C8A: variants seen among roughly 807,000 people sequenced by gnomAD.
The protein encoded by C8A is complement component C8 alpha chain.
A neutral mutation model predicts 65.3 loss-of-function variants in C8A; 67 were observed. The observed-to-expected ratio is 1.03, with a 90% CI of 0.84 to 1.26. The LOEUF (loss-of-function observed/expected upper bound fraction) is 1.26. C8A is among the 50% of genes most tolerant of loss of function. The pLI, the probability that C8A is intolerant of heterozygous loss-of-function variation, is 0.00. For synonymous variants in C8A, 290 were observed against 259.4 expected, an observed-to-expected ratio of 1.12 and a Z score of -1.13; for missense variants, 781 against 723.9, an observed-to-expected ratio of 1.08 and a Z score of -0.90.
At chr1:56,858,800 A>ACTTCAGGTGGTATTGCTGAAGCAATG (rs1300628427) in intron 1 of C8A, among the ~76,000 whole-genome samples, 2 of 152,222 alleles carry the variant, frequency 1.3e-5, no homozygotes, top group Non-Finnish European at 2.9e-5. Context: ...CTTTAGCAAT[A>ACTTCAGGTGGTATTGCTGAAGCAATG]CTTCAGGTGG....
chr1:56,899,055 C>T (rs1644406156), intron 7 of C8A, among the ~76,000 whole-genome samples: 1 of 152,122 alleles, frequency 6.6e-6, no homozygotes, highest in Admixed American at 6.5e-5. Flanking sequence ...AAGCTCCAGG[C>T]TTTATCCCCA....
intron 1 of C8A, among the ~76,000 whole-genome samples, chr1:56,864,417 A>C (rs1644064348): frequency 6.6e-6 from 1 of 152,162 alleles, no homozygotes; most frequent in African/African-American, 2.4e-5. Context: ...GAGGAAGCTT[A>C]GATGTTGAGA....
In C8A at chr1:56,872,284, C is replaced by T. The variant is rs79802479; in HGVS notation, c.172-2665C>T. Reference sequence around the variant, plus strand: ...TAGATGTCATGTAATGGCAAACAGTCGTCTGAGTTGGAGAGCACTATGCCA... The same window carrying T: ...TAGATGTCATGTAATGGCAAACAGTTGTCTGAGTTGGAGAGCACTATGCCA... On this transcript the variant is annotated intron_variant, in intron 2 of 10. Transcript: ENST00000361249. 5.2e-3 allele frequency among the ~76,000 whole-genome samples: 788 copies of T among 152,250 alleles called. 13 individuals carry two copies. The highest frequency in any genetic ancestry group is 0.018 in the African/African-American group (742 of 41,560).
chr1:56,885,392 T>TGACA (rs1644287175), intron 6 of C8A, among the ~76,000 whole-genome samples: 1 of 110,126 alleles, frequency 9.1e-6, no homozygotes, highest in African/African-American at 3.2e-5. Context: ...AAATATATAT[T>TGACA]TAAATAAATA....
chr1:56,875,523 A>G (rs1291000452), intron 3 of C8A, among the ~76,000 whole-genome samples: 2 of 152,116 alleles, frequency 1.3e-5, no homozygotes, highest in Admixed American at 6.6e-5. Context: ...GGGTCTTTCT[A>G]GCAGGAGGTT....
chr1:56,899,007 C>A (rs558555694), intron 7 of C8A, among the ~76,000 whole-genome samples: 1 of 152,238 alleles, frequency 6.6e-6, no homozygotes, highest in Non-Finnish European at 1.5e-5. Flanking sequence ...TCCTGCTAAC[C>A]AACCAGTCAC....
At chr1:56,891,419 A>G (rs1233387932) in intron 7 of C8A, among the ~76,000 whole-genome samples, 2 of 152,178 alleles carry the variant, frequency 1.3e-5, no homozygotes, top group Admixed American at 6.6e-5. Flanking sequence ...CTGTGGTGGC[A>G]GAGAAACCAC....
chr1:56,864,512 G>A (rs1245252614), intron 1 of C8A, among the ~76,000 whole-genome samples: 1 of 152,150 alleles, frequency 6.6e-6, no homozygotes, highest in Non-Finnish European at 1.5e-5. Context: ...AGGCTGTGGA[G>A]GCCCCAAGTA....
At chr1:56,912,184 A>C (rs1472381607) in intron 9 of C8A, among the ~76,000 whole-genome samples, 53 of 152,200 alleles carry the variant, frequency 3.5e-4, no homozygotes, top group Admixed American at 3.4e-3. Flanking sequence ...TGAGCCAGTC[A>C]CTTAAACACT....
Position 56,883,678 on chromosome 1 carries a change from G to C in C8A, c.852G>C (p.Glu284Asp), listed in dbSNP as rs1376168734. ...TGAACGAATTAAACAAGTATAATGA[G>C]AAGGTATTCAAACATAATGTCTGTG... ...SFLNELNKYN[E>D]KKFIFTRIFT... The change falls in exon 6 of 11, where the codon GAG (glutamate) becomes GAC (aspartate). Residue 284 changes from glutamate (E) to aspartate (D), a missense_variant. Physicochemically the swap from Glu to Asp is conservative, Grantham distance 45. Transcript: ENST00000361249. 1 of 1,612,142 alleles carries C rather than the reference G, an allele frequency of 6.2e-7. No individual in the cohort carries two copies. Among genetic ancestry groups the C allele is most frequent in the Middle Eastern group, 1.7e-4 (1 of 6,052 alleles).
chr1:56,901,741 C>G (rs1021156269), intron 7 of C8A, among the ~76,000 whole-genome samples: 1 of 152,088 alleles, frequency 6.6e-6, no homozygotes, highest in Non-Finnish European at 1.5e-5. Context: ...CCCTCATCTC[C>G]CATTATACTC....
chr1:56,895,645 T>C (rs1434852688), intron 7 of C8A, among the ~76,000 whole-genome samples: 2 of 152,150 alleles, frequency 1.3e-5, no homozygotes, highest in South Asian at 2.1e-4. Context: ...TAGTTAAGTA[T>C]TTAAACTTTT....
intron 2 of C8A, among the ~76,000 whole-genome samples, chr1:56,872,822 C>T (rs533665645): frequency 4.0e-5 from 6 of 151,884 alleles, no homozygotes; most frequent in African/African-American, 1.4e-4. Context: ...TGACTAAACA[C>T]TTTGGAACAG....
chr1:56,860,937 A>C (rs563765140), intron 1 of C8A, among the ~76,000 whole-genome samples: 4 of 152,352 alleles, frequency 2.6e-5, no homozygotes, highest in African/African-American at 9.6e-5. Flanking sequence ...GAAAGTTCTC[A>C]TGAAGAAAAA....
intron 10 of C8A, among the ~76,000 whole-genome samples, chr1:56,917,249 T>C (rs1013493478): frequency 1.3e-5 from 2 of 152,168 alleles, no homozygotes; most frequent in African/African-American, 4.8e-5. Flanking sequence ...TGCAGACCAC[T>C]CTCAGGCAAC....
intron 7 of C8A, among the ~76,000 whole-genome samples, chr1:56,899,366 G>A (rs1339215233): frequency 6.6e-6 from 1 of 152,188 alleles, no homozygotes; most frequent in Non-Finnish European, 1.5e-5. Context: ...TTTGGACACA[G>A]GCCTTGGTTC....
chr1:56,870,338 C>A (rs1488933300), intron 2 of C8A, among the ~76,000 whole-genome samples: 1 of 152,006 alleles, frequency 6.6e-6, no homozygotes, highest in African/African-American at 2.4e-5. Flanking sequence ...ACTTTTGCAG[C>A]AACCTAATAT....
intron 2 of C8A, among the ~76,000 whole-genome samples, chr1:56,873,372 C>G (rs1444737691): frequency 2.6e-5 from 4 of 152,174 alleles, no homozygotes; most frequent in Non-Finnish European, 4.4e-5. Context: ...TGCCATTACA[C>G]CCATTTCACA....
chr1:56,873,236 C>T (rs1274688436), intron 2 of C8A, among the ~76,000 whole-genome samples: 1 of 152,158 alleles, frequency 6.6e-6, no homozygotes, highest in African/African-American at 2.4e-5. Context: ...AAATACTGCA[C>T]GGATAACAGT....
Sources: gnomAD v4.1 joint callset for allele counts (sites outside exome capture counted in the v4.1 genomes callset) on GRCh38, gnomAD v4.1.1 for gene constraint, MANE v1.5 for transcripts, NCBI Gene and HGNC (gene_info 2026-07-23, HGNC 2026-07-21) for gene names.